Variants in SYNE1 observed in about 807,000 individuals in gnomAD.
SYNE1 encodes nesprin-1.
Under a neutral mutation model 1,111.0 loss-of-function variants are expected in SYNE1, and 616 were observed. That is an observed-to-expected ratio of 0.55 (90% confidence interval 0.52 to 0.59). The LOEUF (loss-of-function observed/expected upper bound fraction) is 0.59. SYNE1 is among the 20% of genes least tolerant of loss of function. SYNE1 has a pLI of 0.00. For synonymous variants in SYNE1, 3,855 were observed against 3,825.8 expected, an observed-to-expected ratio of 1.01 and a Z score of -0.28; for missense variants, 10,006 against 10,417.0, an observed-to-expected ratio of 0.96 and a Z score of 1.72.
At chr6:152,289,668 T>C (rs549289842) in intron 95 of SYNE1, among the ~76,000 whole-genome samples, 47 of 152,248 alleles carry the variant, frequency 3.1e-4, no homozygotes, top group South Asian at 4.1e-4. Context: ...GCTCTGTCGC[T>C]CAGGCTGGAG....
At chr6:152,324,835 T>C (rs550441898) in intron 81 of SYNE1, among the ~76,000 whole-genome samples, 1 of 152,348 alleles carries the variant, frequency 6.6e-6, no homozygotes, top group African/African-American at 2.4e-5. Flanking sequence ...CAAAATGGGC[T>C]TGTTCTCCTT....
chr6:152,217,304 G>A (rs577188178), intron 121 of SYNE1, among the ~76,000 whole-genome samples: 2 of 148,768 alleles, frequency 1.3e-5, no homozygotes, highest in Admixed American at 6.7e-5. Context: ...GCTGAGGCAA[G>A]AGAATGGCGT....
chr6:152,335,697 C>A (rs757974007), intron 76 of SYNE1: 2 of 151,938 alleles, frequency 1.3e-5, no homozygotes, highest in African/African-American at 2.4e-5. Context: ...TTTCTTTTTT[C>A]CCTTTTTTTT....
At chr6:152,364,686 G>GAGGAAGGAGGAAGGA (rs2097022658) in intron 63 of SYNE1, among the ~76,000 whole-genome samples, 161 bp downstream of exon 63, 1 of 108,070 alleles carries the variant, frequency 9.3e-6, no homozygotes, top group African/African-American at 3.8e-5. Flanking sequence ...AAGGAGGAAG[G>GAGGAAGGAGGAAGGA]AGGAAGGAAG....
chr6:152,492,413 C>A (rs965333478), intron 11 of SYNE1, among the ~76,000 whole-genome samples: 8 of 152,218 alleles, frequency 5.3e-5, no homozygotes, highest in Admixed American at 4.6e-4. Context: ...CTCCAGCACA[C>A]AAGAACTTCA....
chr6:152,605,892 C>T (rs756187090), intron 3 of SYNE1, among the ~76,000 whole-genome samples: 9 of 151,934 alleles, frequency 5.9e-5, no homozygotes, highest in Middle Eastern at 3.4e-3. Context: ...ATAAAATAGG[C>T]GGAGTATGTT....
At chr6:152,280,079 A>C (rs540048655) in intron 97 of SYNE1, among the ~76,000 whole-genome samples, 1 of 152,354 alleles carries the variant, frequency 6.6e-6, no homozygotes, top group African/African-American at 2.4e-5. Flanking sequence ...TCCATGGGGG[A>C]AACAGCCTAC....
Position 152,277,750 on chromosome 6 carries a change from A to C in SYNE1, c.18573+339T>G. 5 of 355,372 alleles carry C rather than the reference A, an allele frequency of 1.4e-5. No individual in the cohort carries two copies. In the East Asian group the frequency reaches 3.1e-4, roughly 22 times the overall value. The allele number at this position is 355,372 out of a possible 1,614,324, so 22.0% of individuals were successfully genotyped here. ...CCCACTTCTCCTTATAGCTTATCTCATTCCTCTATATACCACTTTACAGCA... is the reference window on the plus strand; with the variant it reads ...CCCACTTCTCCTTATAGCTTATCTCCTTCCTCTATATACCACTTTACAGCA... On this transcript the variant is annotated intron_variant, in intron 98 of 145. Transcript: ENST00000367255.
chr6:152,326,488 C>G lies in SYNE1; in HGVS notation c.15101G>C (p.Ser5034Thr). The stretch of plus-strand genomic sequence containing the variant: ...CTCTGTACTGAAAAATTCCATGTGG[C>G]TTTTGAGATTTTCCTCTGCGCTCTC... ...DVESAEENLK[S>T]HMEFFSTEDQ... Residue 5034 changes from serine to threonine, a missense_variant, in exon 79 of 146, where the codon AGC becomes ACC. Ser to Thr is a moderately conservative substitution (Grantham distance 58, BLOSUM62 1). Transcript: ENST00000367255. The G allele has an allele frequency of 1.2e-6, 2 of 1,614,176 alleles. No individual in the cohort carries two copies. The highest frequency in any genetic ancestry group is 2.2e-5 in the East Asian group (1 of 44,864).
chr6:152,212,071 A>C lies in SYNE1; in HGVS notation c.22495-483T>G, dbSNP rs188102179. ...TAAATTTATTTCACTATTTTAAAAAACTCAAGAGAAGGTCCTTCGAATTAT... is the reference window on the plus strand; with the variant it reads ...TAAATTTATTTCACTATTTTAAAAACCTCAAGAGAAGGTCCTTCGAATTAT... On this transcript the variant is annotated intron_variant, in intron 123 of 145. Coordinates refer to ENST00000367255, the MANE Select transcript of SYNE1 (RefSeq NM_182961.4). Among the ~76,000 whole-genome samples the C allele has an allele frequency of 3.9e-4, 59 of 152,268 alleles. 1 individual carries two copies. In the East Asian group the frequency reaches 9.6e-3, roughly 25 times the overall value.
chr6:152,189,765 C>A (rs531017444), intron 127 of SYNE1, among the ~76,000 whole-genome samples: 1 of 152,288 alleles, frequency 6.6e-6, no homozygotes, highest in African/African-American at 2.4e-5. Flanking sequence ...TCATCTGAGG[C>A]CTCAGCAAGT....
chr6:152,263,591 G>T (rs1237118335), intron 100 of SYNE1, among the ~76,000 whole-genome samples: 1 of 151,318 alleles, frequency 6.6e-6, no homozygotes, highest in Non-Finnish European at 1.5e-5. Context: ...TAGAGACAGG[G>T]TCTCACTATG....
At chr6:152,437,629 C>A (rs1001903958) in intron 32 of SYNE1, among the ~76,000 whole-genome samples, 12 of 151,784 alleles carry the variant, frequency 7.9e-5, no homozygotes, top group African/African-American at 2.9e-4. Context: ...TTAGATGTTA[C>A]CTGAATTTTG....
At chr6:152,373,337 T>TGGCATG in intron 58 of SYNE1, 118 bp from the exon 59 acceptor site, 2 of 925,120 alleles carry the variant, frequency 2.2e-6, no homozygotes, top group Non-Finnish European at 3.2e-6. Flanking sequence ...TGGAGTGCAG[T>TGGCATG]AGTGCGATCT....
intron 127 of SYNE1, among the ~76,000 whole-genome samples, chr6:152,201,238 G>T (rs719764): frequency 1.3e-5 from 2 of 151,834 alleles, no homozygotes; most frequent in African/African-American, 2.4e-5. Context: ...TGTTGGTCTC[G>T]GTGAGCTCAT....
intron 32 of SYNE1, among the ~76,000 whole-genome samples, chr6:152,439,264 T>A (rs1201670896): frequency 1.3e-5 from 2 of 152,176 alleles, no homozygotes; most frequent in Admixed American, 6.5e-5. Context: ...CCAAAGGAAT[T>A]AGTGCAAATG....
At chr6:152,481,495 C>T in intron 14 of SYNE1, 1 of 412,928 alleles carries the variant, frequency 2.4e-6, no homozygotes, top group Middle Eastern at 3.5e-4. Flanking sequence ...TCCTAATCCC[C>T]ACCATTATGT....
In SYNE1 at chr6:152,450,939, G is replaced by C. The variant is rs569640172; in HGVS notation, c.3187-106C>G. 7.8e-4 allele frequency: 1,246 copies of C among 1,591,290 alleles called. 4 individuals carry two copies. The highest frequency in any genetic ancestry group is 9.0e-4 in the Non-Finnish European group (1,042 of 1,160,272). On this transcript the variant is annotated intron_variant, in intron 26 of 145. Transcript: ENST00000367255. ...GATTCCCACGCAGACTACCAAGGTA[G>C]AGTAATTAAGCTATTATTTTTCAGA...
chr6:152,430,509 C>T lies in SYNE1; in HGVS notation c.4662G>A (p.Gln1554=). The T allele has an allele frequency of 6.2e-7, 1 of 1,614,034 alleles. No homozygotes were observed. The highest frequency in any genetic ancestry group is 1.1e-5 in the South Asian group (1 of 91,084). The change falls in exon 35 of 146, where the codon CAG becomes CAA. Residue 1554 remains glutamine, a synonymous_variant. Transcript: ENST00000367255. ...EGTILGHLSQ[Q]QKFEENLRKI... ...TTCTAAGGTTCTCTTCAAACTTTTG[C>T]TGCTGAGATAAATGTCCCAGGATTG...
Sources: allele counts gnomAD v4.1 joint callset (sites outside exome capture counted in the v4.1 genomes callset), GRCh38; gene constraint gnomAD v4.1.1; transcripts MANE v1.5; gene names NCBI Gene and HGNC (gene_info 2026-07-23, HGNC 2026-07-21).